Variants in ARNT2 observed in about 807,000 individuals in gnomAD.
ARNT2 encodes ARNT protein 2.
ARNT2 carries 36 observed loss-of-function variants against 91.7 expected under a neutral mutation model. That is an observed-to-expected ratio of 0.39 (90% CI 0.30 to 0.52). The LOEUF (loss-of-function observed/expected upper bound fraction) is 0.52. ARNT2 is among the 20% of genes least tolerant of loss of function. The pLI is 0.72. For missense variants in ARNT2, 775 were observed against 939.3 expected (o/e 0.83, Z 2.29); for synonymous variants, 365 against 347.1 (o/e 1.05, Z -0.57).
chr15:80,563,680 G>A (rs1898414768), intron 12 of ARNT2, among the ~76,000 whole-genome samples: 1 of 152,190 alleles, frequency 6.6e-6, no homozygotes, highest in Non-Finnish European at 1.5e-5. Context: ...GAATGGGACA[G>A]GTGGCCTGGG....
chr15:80,532,533 T>A (rs1050801066), intron 8 of ARNT2, among the ~76,000 whole-genome samples: 1 of 152,242 alleles, frequency 6.6e-6, no homozygotes, highest in Admixed American at 6.5e-5. Flanking sequence ...GTGCTCCGAA[T>A]AGTCCTCTCC....
chr15:80,522,236 A>G (rs1192523231), intron 8 of ARNT2, among the ~76,000 whole-genome samples: 1 of 152,202 alleles, frequency 6.6e-6, no homozygotes, highest in Non-Finnish European at 1.5e-5. Context: ...CAACAGCTGC[A>G]TGGAAAGGGT....
At chr15:80,509,733 G>A (rs1273768450) in intron 6 of ARNT2, among the ~76,000 whole-genome samples, 1 of 152,126 alleles carries the variant, frequency 6.6e-6, no homozygotes, top group Non-Finnish European at 1.5e-5. Flanking sequence ...ATGAAACAAG[G>A]GAATGTCTGG....
At chr15:80,477,430 C>G (rs10162856) in intron 5 of ARNT2, among the ~76,000 whole-genome samples, 24 of 152,312 alleles carry the variant, frequency 1.6e-4, no homozygotes, top group African/African-American at 5.8e-4. Flanking sequence ...GGCCCCATGT[C>G]CTAATATCAT....
chr15:80,550,365 TGAC>T (rs1426224133), intron 8 of ARNT2, among the ~76,000 whole-genome samples: 62 of 152,304 alleles, frequency 4.1e-4, no homozygotes, highest in African/African-American at 1.4e-3. Context: ...TGTACTTGTG[TGAC>T]TCTATCACTG....
chr15:80,575,189 T>C, intron 14 of ARNT2, 79 bp downstream of exon 14: 1 of 1,558,230 alleles, frequency 6.4e-7, no homozygotes, highest in East Asian at 2.3e-5. Flanking sequence ...CAGCTACTCT[T>C]AGTAAGAGGG....
intron 8 of ARNT2, among the ~76,000 whole-genome samples, chr15:80,536,151 C>CAA: frequency 6.6e-6 from 1 of 152,168 alleles, no homozygotes; most frequent in Non-Finnish European, 1.5e-5. Flanking sequence ...GACACAGAGG[C>CAA]ACGTGGAGTG....
intron 1 of ARNT2, among the ~76,000 whole-genome samples, chr15:80,408,168 T>C (rs1197231223): frequency 2.0e-5 from 3 of 152,166 alleles, no homozygotes; most frequent in South Asian, 2.1e-4. Context: ...CAAATTGCCT[T>C]AGATGGAGGG....
rs185682830 is a variant in ARNT2, at chr15:80,477,165, A to G, written c.622+1942A>G. On this transcript the variant is annotated intron_variant, in intron 5 of 18. Transcript: ENST00000303329. ...GATATCAGCATCATGCTTTTTGTAC[A>G]GCCTGCAGAATGGTGAGCCAATTAA... 8.5e-5 allele frequency among the ~76,000 whole-genome samples: 13 copies of G among 152,356 alleles called. No homozygotes were observed. The East Asian group carries it at 2.5e-3, about 29-fold the overall frequency.
In ARNT2 at chr15:80,596,984, G is replaced by GAATGT; in HGVS notation, c.*3286_*3287insAATGT. ...CAGCCATCACAAATAGCCACATTCT[G>GAATGT]CTCTACTCTCCAACATACCAGATTC... On this transcript the variant is annotated 3_prime_UTR_variant, in exon 19 of 19. Transcript: ENST00000303329. 2 of 364,526 alleles carry GAATGT rather than the reference G, an allele frequency of 5.5e-6. No individual in the cohort carries two copies. The highest frequency in any genetic ancestry group is 1.1e-5 in the Non-Finnish European group (2 of 184,706). 22.6% of individuals were successfully genotyped at this position (364,526 alleles called of 1,614,324 possible).
At chr15:80,496,018 C>T (rs938624571) in intron 5 of ARNT2, among the ~76,000 whole-genome samples, 2 of 152,176 alleles carry the variant, frequency 1.3e-5, no homozygotes, top group South Asian at 2.1e-4. Context: ...TTGGTTTCAT[C>T]GTTAAGTAGG....
chr15:80,407,933 A>G (rs577813094), intron 1 of ARNT2, among the ~76,000 whole-genome samples: 21 of 152,210 alleles, frequency 1.4e-4, no homozygotes, highest in Non-Finnish European at 1.9e-4. Context: ...CAGACCAGTA[A>G]TCATTAGGAA....
chr15:80,536,042 T>C (rs1487679282), intron 8 of ARNT2, among the ~76,000 whole-genome samples: 1 of 152,244 alleles, frequency 6.6e-6, no homozygotes, highest in African/African-American at 2.4e-5. Context: ...CCTTTTATTA[T>C]GGTCTAGAAA....
chr15:80,448,094 G>A (rs1027657728), intron 1 of ARNT2, among the ~76,000 whole-genome samples: 21 of 151,982 alleles, frequency 1.4e-4, no homozygotes, highest in African/African-American at 5.1e-4. Context: ...CAAGCACTAT[G>A]TTAGGCTCAT....
chr15:80,445,739 G>C (rs1024656854), intron 1 of ARNT2, among the ~76,000 whole-genome samples: 1 of 152,000 alleles, frequency 6.6e-6, no homozygotes, highest in African/African-American at 2.4e-5. Context: ...CAGGACTCTG[G>C]GTAGAGGGAC....
At chr15:80,411,171 C>G (rs1289590988) in intron 1 of ARNT2, among the ~76,000 whole-genome samples, 3 of 152,168 alleles carry the variant, frequency 2.0e-5, no homozygotes, top group Non-Finnish European at 4.4e-5. Flanking sequence ...TAAAATGTAC[C>G]TATCATGCAT....
At chr15:80,484,573 G>T (rs377191051) in intron 5 of ARNT2, among the ~76,000 whole-genome samples, 1 of 152,228 alleles carries the variant, frequency 6.6e-6, no homozygotes, top group Non-Finnish European at 1.5e-5. Context: ...TACATGCATA[G>T]CATGGCTGAT....
At chr15:80,411,895 G>A (rs749764740) in intron 1 of ARNT2, among the ~76,000 whole-genome samples, 14 of 152,218 alleles carry the variant, frequency 9.2e-5, no homozygotes, top group Non-Finnish European at 1.9e-4. Context: ...CAGTCCCACA[G>A]GGTCTTCTCA....
At chr15:80,522,134 AAATAAT>A (rs911609307) in intron 8 of ARNT2, among the ~76,000 whole-genome samples, 1 of 152,144 alleles carries the variant, frequency 6.6e-6, no homozygotes, top group Non-Finnish European at 1.5e-5. Context: ...TCTTAAATGT[AAATAAT>A]AATAATAATA....
Sources: gnomAD v4.1 joint callset for allele counts (sites outside exome capture counted in the v4.1 genomes callset) on GRCh38, gnomAD v4.1.1 for gene constraint, MANE v1.5 for transcripts, NCBI Gene and HGNC (gene_info 2026-07-23, HGNC 2026-07-21) for gene names.